CLOCK: variants seen among roughly 807,000 people sequenced by gnomAD.
The protein encoded by CLOCK is circadian locomoter output cycles protein kaput.
CLOCK carries 43 observed loss-of-function variants against 118.4 expected under a neutral mutation model. The ratio of observed to expected loss-of-function variants is 0.36; its 90% CI spans 0.28 to 0.47. CLOCK has a LOEUF of 0.47. Ranked by LOEUF, CLOCK falls within the 20% of genes least tolerant of loss-of-function variation. The pLI is 1.00. For synonymous variants in CLOCK, 326 were observed against 339.2 expected (o/e 0.96, Z 0.43); for missense variants, 846 against 999.9 (o/e 0.85, Z 2.08).
chr4:55,489,153 T>A (rs1388023106), intron 3 of CLOCK, among the ~76,000 whole-genome samples: 1 of 152,240 alleles, frequency 6.6e-6, no homozygotes, highest in Non-Finnish European at 1.5e-5. Flanking sequence ...GCGGTTCTCA[T>A]GACAGCAGGG....
At chr4:55,457,596 G>A (rs1725006217) in intron 11 of CLOCK, among the ~76,000 whole-genome samples, 1 of 152,114 alleles carries the variant, frequency 6.6e-6, no homozygotes, top group South Asian at 2.1e-4. Flanking sequence ...AAATAAACAA[G>A]AAAGAAACAA....
chr4:55,431,240 T>TC lies in CLOCK; in HGVS notation c.*4174dup, dbSNP rs779685802. The TC allele has an allele frequency of 6.6e-5, 10 of 152,300 alleles. No homozygotes were observed. The highest frequency in any genetic ancestry group is 5.2e-4 in the Admixed American group (8 of 15,282). 9.4% of individuals were successfully genotyped at this position (152,300 alleles called of 1,614,324 possible). A position where few individuals can be genotyped will look rare whatever the true frequency, so the allele number is the denominator to read the frequency against. On this transcript the variant is annotated 3_prime_UTR_variant, in exon 23 of 23. Coordinates refer to ENST00000513440, the MANE Select transcript of CLOCK (RefSeq NM_004898.4). ...CCTGTCTCATAAAGCAGCAGCACTA[T>TC]CTTTTGGTAGGCTGACAATAGGCAC...
intron 1 of CLOCK, among the ~76,000 whole-genome samples, chr4:55,524,559 A>G (rs756687555): frequency 1.3e-5 from 2 of 152,192 alleles, no homozygotes; most frequent in Admixed American, 6.5e-5. Flanking sequence ...TATTATATGA[A>G]TAAGTGCAGC....
rs576629024 is a variant in CLOCK, at chr4:55,544,668, A to T, written c.-290+2114T>A. On this transcript the variant is annotated intron_variant, in intron 1 of 22. Coordinates refer to ENST00000513440, the MANE Select transcript of CLOCK (RefSeq NM_004898.4). ...TAAATTAGGCAACAAAAATCACACA[A>T]ATTATTTGGGGGAGGAGGATTTTTG... Among the ~76,000 whole-genome samples, 333 of 152,316 alleles carry T rather than the reference A, an allele frequency of 2.2e-3. 1 individual carries two copies. The highest frequency in any genetic ancestry group is 7.5e-3 in the African/African-American group (310 of 41,564).
chr4:55,538,587 T>C (rs895492638), intron 1 of CLOCK, among the ~76,000 whole-genome samples: 53 of 152,020 alleles, frequency 3.5e-4, no homozygotes, highest in African/African-American at 1.1e-3. Flanking sequence ...TTAATATATG[T>C]GTAATTAGGA....
intron 9 of CLOCK, among the ~76,000 whole-genome samples, chr4:55,459,698 T>C (rs1373365597): frequency 1.3e-5 from 2 of 152,174 alleles, no homozygotes; most frequent in African/African-American, 4.8e-5. Flanking sequence ...GGTCTTGATT[T>C]GTCACCCAGG....
At chr4:55,522,186 A>G (rs998108246) in intron 1 of CLOCK, among the ~76,000 whole-genome samples, 3 of 152,172 alleles carry the variant, frequency 2.0e-5, no homozygotes, top group African/African-American at 7.2e-5. Flanking sequence ...AAAACACACA[A>G]TACCTTCATA....
chr4:55,533,134 T>C (rs1195159138), intron 1 of CLOCK, among the ~76,000 whole-genome samples: 1 of 151,992 alleles, frequency 6.6e-6, no homozygotes, highest in Non-Finnish European at 1.5e-5. Flanking sequence ...ATCCTAAAAT[T>C]CATACAGAAT....
intron 1 of CLOCK, among the ~76,000 whole-genome samples, chr4:55,533,095 AT>A (rs1047031603): frequency 6.6e-6 from 1 of 151,858 alleles, no homozygotes; most frequent in Non-Finnish European, 1.5e-5. Context: ...TCTCAATGAC[AT>A]TTTTTTTGCA....
Position 55,448,601 on chromosome 4 carries a change from C to T in CLOCK, c.1539+178G>A, listed in dbSNP as rs4864992. 5.1e-3 allele frequency among the ~76,000 whole-genome samples: 597 copies of T among 116,988 alleles called. 2 individuals carry two copies. The highest frequency in any genetic ancestry group is 0.011 in the African/African-American group (348 of 32,090). 76.7% of individuals were successfully genotyped at this position (116,988 alleles called of 152,430 possible). ...ATATATGTGCGCGCGCGCACGCGCG[C>T]GTGTGTGTGTGTGTGTGTGTGTGTG... On this transcript the variant is annotated intron_variant, in intron 18 of 22. Coordinates refer to ENST00000513440, the MANE Select transcript of CLOCK (RefSeq NM_004898.4).
In CLOCK at chr4:55,479,660, A is replaced by G; in HGVS notation, c.87T>C (p.Asp29=). The change falls in exon 5 of 23, where the codon GAT becomes GAC. Residue 29 remains aspartate (D), a synonymous_variant. Transcript: ENST00000513440. ...ACTACCTTTTCGCTTTGTCCTTGTCATCTTCTTCCACCAACCCATCAAAAA... is the reference window on the plus strand; with the variant it reads ...ACTACCTTTTCGCTTTGTCCTTGTCGTCTTCTTCCACCAACCCATCAAAAA... ...SSIFDGLVEE[D]DKDKAKRVSR... The G allele has an allele frequency of 2.5e-6, 4 of 1,612,536 alleles. No homozygotes were observed. Among genetic ancestry groups the G allele is most frequent in the Non-Finnish European group, 3.4e-6 (4 of 1,178,994 alleles).
intron 2 of CLOCK, among the ~76,000 whole-genome samples, chr4:55,506,945 T>C (rs909810762): frequency 6.6e-6 from 1 of 152,198 alleles, no homozygotes; most frequent in African/African-American, 2.4e-5. Context: ...GAGGTTTATA[T>C]TCTCTCTATT....
At chr4:55,466,674 C>CA (rs766434901) in intron 8 of CLOCK, among the ~76,000 whole-genome samples, 28 of 152,272 alleles carry the variant, frequency 1.8e-4, no homozygotes, top group South Asian at 4.2e-4. Flanking sequence ...AGTATGATCA[C>CA]AAGCAATGCC....
At chr4:55,461,347 G>A (rs889871369) in intron 9 of CLOCK, among the ~76,000 whole-genome samples, 12 of 152,026 alleles carry the variant, frequency 7.9e-5, no homozygotes, top group African/African-American at 2.7e-4. Flanking sequence ...GACGAAAGTG[G>A]CAGCAACTTT....
At chr4:55,530,774 C>A (rs1180836829) in intron 1 of CLOCK, among the ~76,000 whole-genome samples, 95 of 33,036 alleles carry the variant, frequency 2.9e-3, no homozygotes, top group South Asian at 7.6e-3. Flanking sequence ...GACTCCATCG[C>A]AAAAAAAAAA....
At chr4:55,523,097 C>T (rs1174121518) in intron 1 of CLOCK, among the ~76,000 whole-genome samples, 1 of 151,698 alleles carries the variant, frequency 6.6e-6, no homozygotes, top group African/African-American at 2.4e-5. Context: ...AGATCGAGAC[C>T]ATCCTGGCTA....
intron 1 of CLOCK, among the ~76,000 whole-genome samples, chr4:55,520,291 T>C (rs1213347836): frequency 6.6e-6 from 1 of 152,202 alleles, no homozygotes; most frequent in Non-Finnish European, 1.5e-5. Context: ...AGTATCTGTT[T>C]TCTCCCAAAA....
At chr4:55,512,625 T>C (rs1729239085) in intron 1 of CLOCK, among the ~76,000 whole-genome samples, 1 of 143,730 alleles carries the variant, frequency 7.0e-6, no homozygotes, top group African/African-American at 2.9e-5. Flanking sequence ...ATGTTGAGGA[T>C]AAAAACTCGC....
In CLOCK at chr4:55,435,228, C is replaced by T. The variant is rs961041707; in HGVS notation, c.*187G>A. ...TGCCCCTATGATCACCTCCTGCTGG[C>T]TGGTATTTAATGTACATCTGTAGCA... On this transcript the variant is annotated 3_prime_UTR_variant, in exon 23 of 23. Transcript: ENST00000513440. 3 of 652,122 alleles carry T rather than the reference C, an allele frequency of 4.6e-6. No homozygotes were observed. The highest frequency in any genetic ancestry group is 8.0e-6 in the Non-Finnish European group (3 of 372,930). The allele number at this position is 652,122 out of a possible 1,614,324, so 40.4% of individuals were successfully genotyped here.
Sources: allele counts gnomAD v4.1 joint callset (sites outside exome capture counted in the v4.1 genomes callset), GRCh38; gene constraint gnomAD v4.1.1; transcripts MANE v1.5; gene names NCBI Gene and HGNC (gene_info 2026-07-23, HGNC 2026-07-21).